The following FNDC3A variants were observed in gnomAD, a reference collection of about 807,000 sequenced individuals.
The protein encoded by FNDC3A is fibronectin type III domain containing 3A, also known as fibronectin type-III domain-containing protein 3A.
FNDC3A carries 32 observed loss-of-function variants against 148.9 expected under a neutral mutation model. The ratio of observed to expected loss-of-function variants is 0.21; its 90% CI spans 0.16 to 0.29. FNDC3A has a LOEUF of 0.29. Ranked by LOEUF, FNDC3A falls within the 10% of genes least tolerant of loss-of-function variation. FNDC3A has a pLI of 1.00. For missense variants in FNDC3A, 1,191 were observed against 1,452.8 expected, an observed-to-expected ratio of 0.82 and a Z score of 2.93; for synonymous variants, 472 against 473.6, an observed-to-expected ratio of 1.00 and a Z score of 0.04.
intron 2 of FNDC3A, among the ~76,000 whole-genome samples, chr13:49,020,075 T>G (rs1873205596): frequency 6.6e-6 from 1 of 152,194 alleles, no homozygotes; most frequent in Non-Finnish European, 1.5e-5. Flanking sequence ...ATGTAAGTGG[T>G]ATTAAAATGG....
At chr13:49,085,936 G>T (rs1041424866) in intron 3 of FNDC3A, among the ~76,000 whole-genome samples, 1 of 150,080 alleles carries the variant, frequency 6.7e-6, no homozygotes, top group African/African-American at 2.5e-5. Flanking sequence ...AGGCTGGAGT[G>T]CAATGGCCCG....
At position 49,168,679 on chromosome 13, in the gene FNDC3A, C is replaced by G. The variant is rs1046753071; in HGVS notation, c.1104C>G (p.Ser368Arg). Residue 368 changes from serine to arginine, a missense_variant, in exon 10 of 26, where the codon AGC (serine) becomes AGG (arginine). Ser to Arg is a moderately radical substitution (Grantham distance 110, BLOSUM62 -1). This residue lies in a region of FNDC3A where 426 missense variants were observed against 473.2 expected (regional missense o/e 0.90). Coordinates refer to ENST00000492622, the MANE Select transcript of FNDC3A (RefSeq NM_001079673.2). ...PSEAEIFTTL[S>R]CEPDIPNPPR... Reference sequence around the variant, plus strand: ...AGGCTGAAATCTTTACCACCTTGAGCTGTGAACCTGATATACCTAATCCAC... The same window carrying G: ...AGGCTGAAATCTTTACCACCTTGAGGTGTGAACCTGATATACCTAATCCAC... 2 of 1,612,376 alleles carry G rather than the reference C, an allele frequency of 1.2e-6. No individual in the cohort carries two copies. The highest frequency in any genetic ancestry group is 2.2e-5 in the South Asian group (2 of 91,034).
intron 1 of FNDC3A, among the ~76,000 whole-genome samples, chr13:49,003,541 A>G (rs923920312): frequency 1.3e-5 from 2 of 152,158 alleles, no homozygotes; most frequent in Non-Finnish European, 2.9e-5. Context: ...ACAATTCTTA[A>G]TTCTAGTGAA....
chr13:49,056,956 A>T (rs1056854111), intron 2 of FNDC3A, among the ~76,000 whole-genome samples: 1 of 152,192 alleles, frequency 6.6e-6, no homozygotes, highest in Non-Finnish European at 1.5e-5. Flanking sequence ...ACAGTGGACT[A>T]ATTCTTCATG....
chr13:49,018,916 G>A (rs1179788326), intron 2 of FNDC3A, among the ~76,000 whole-genome samples: 1 of 152,226 alleles, frequency 6.6e-6, no homozygotes, highest in East Asian at 1.9e-4. Flanking sequence ...GCTGCTTGGG[G>A]GGTCAGGGGT....
chr13:49,134,045 T>C (rs1882186869), intron 5 of FNDC3A, among the ~76,000 whole-genome samples: 1 of 152,210 alleles, frequency 6.6e-6, no homozygotes, highest in South Asian at 2.1e-4. Context: ...TTTAATATAT[T>C]TACTTTATTG....
intron 2 of FNDC3A, among the ~76,000 whole-genome samples, chr13:49,053,583 G>C (rs552817536): frequency 6.6e-6 from 1 of 152,148 alleles, no homozygotes; most frequent in Non-Finnish European, 1.5e-5. Context: ...AGGGGTGTTG[G>C]GGGGTGGCTT....
chr13:49,058,040 A>G (rs961966549), intron 2 of FNDC3A, among the ~76,000 whole-genome samples: 5 of 152,276 alleles, frequency 3.3e-5, no homozygotes, highest in Non-Finnish European at 7.4e-5. Context: ...ATGAGGTAAT[A>G]TGGGTGGGCC....
intron 2 of FNDC3A, among the ~76,000 whole-genome samples, chr13:49,015,525 T>C (rs955110597): frequency 6.6e-6 from 1 of 152,246 alleles, no homozygotes; most frequent in African/African-American, 2.4e-5. Context: ...TTTCTCGATA[T>C]ACAATCATGT....
intron 3 of FNDC3A, among the ~76,000 whole-genome samples, chr13:49,111,523 C>A (rs991287172): frequency 6.6e-6 from 1 of 151,960 alleles, no homozygotes; most frequent in African/African-American, 2.4e-5. Context: ...GTTAGGAGTT[C>A]AAGACCAGCC....
At chr13:49,132,540 A>G (rs969988184) in intron 5 of FNDC3A, among the ~76,000 whole-genome samples, 7 of 152,172 alleles carry the variant, frequency 4.6e-5, no homozygotes, top group African/African-American at 1.7e-4. Context: ...CTCTGACACA[A>G]CATTTTAAAT....
At chr13:49,185,666 C>T (rs1447548750) in intron 14 of FNDC3A, among the ~76,000 whole-genome samples, 1 of 152,080 alleles carries the variant, frequency 6.6e-6, no homozygotes, top group Non-Finnish European at 1.5e-5. Context: ...AGCCTAAAGC[C>T]CATGAAGAAT....
chr13:49,160,596 G>T (rs1460663194), intron 8 of FNDC3A, among the ~76,000 whole-genome samples: 2 of 151,422 alleles, frequency 1.3e-5, no homozygotes, highest in Non-Finnish European at 2.9e-5. Flanking sequence ...TTTTTTGAAG[G>T]GTTTTTTTGT....
intron 2 of FNDC3A, among the ~76,000 whole-genome samples, chr13:49,029,736 C>T (rs1458216058): frequency 6.6e-6 from 1 of 152,012 alleles, no homozygotes; most frequent in Admixed American, 6.6e-5. Context: ...ACAAAAAAGA[C>T]TCAAATGACT....
At chr13:49,035,621 A>G (rs1289924744) in intron 2 of FNDC3A, among the ~76,000 whole-genome samples, 1 of 152,058 alleles carries the variant, frequency 6.6e-6, no homozygotes, top group Admixed American at 6.5e-5. Context: ...AAACAGGAAA[A>G]AAAATTTTCT....
At chr13:49,168,953 G>T (rs992348502) in intron 10 of FNDC3A, among the ~76,000 whole-genome samples, 1 of 152,114 alleles carries the variant, frequency 6.6e-6, no homozygotes, top group Admixed American at 6.5e-5. Flanking sequence ...TAGCAAAAAC[G>T]ATTTGTAATT....
Position 49,175,456 on chromosome 13 carries a change from G to C in FNDC3A, c.1445G>C (p.Trp482Ser), listed in dbSNP as rs781407338. The C allele has an allele frequency of 1.4e-5, 22 of 1,613,106 alleles. No individual in the cohort carries two copies. Among genetic ancestry groups the C allele is most frequent in the Non-Finnish European group, 1.9e-5 (22 of 1,179,354 alleles). The part of the protein sequence containing the change: ...SPVLTKAGIT[W>S]LSLQWSKPSG... Reference sequence around the variant, plus strand: ...GTATTAACCAAGGCTGGAATTACTTGGTTATCCTTACAATGGAGTAAGCCC... The same window carrying C: ...GTATTAACCAAGGCTGGAATTACTTCGTTATCCTTACAATGGAGTAAGCCC... The change falls in exon 13 of 26, where the codon TGG becomes TCG. Residue 482 changes from tryptophan to serine, a missense_variant. Trp to Ser is a radical substitution (Grantham distance 177). Around this residue, in one of 3 missense-constraint regions of FNDC3A, gnomAD observed 751 missense variants for 944.0 expected, o/e 0.80. Coordinates refer to ENST00000492622, the MANE Select transcript of FNDC3A (RefSeq NM_001079673.2).
chr13:49,090,454 T>C (rs1879112174), intron 3 of FNDC3A, among the ~76,000 whole-genome samples: 1 of 152,078 alleles, frequency 6.6e-6, no homozygotes, highest in Non-Finnish European at 1.5e-5. Context: ...ATCCAGGAGA[T>C]TGCACAGATC....
At chr13:48,978,144 A>G (rs966953704) in intron 1 of FNDC3A, among the ~76,000 whole-genome samples, 4 of 152,112 alleles carry the variant, frequency 2.6e-5, no homozygotes, top group African/African-American at 9.7e-5. Flanking sequence ...TGTGTGAGTA[A>G]TTGAGACCTG....
Sources: allele counts gnomAD v4.1 joint callset (sites outside exome capture counted in the v4.1 genomes callset), GRCh38; gene constraint gnomAD v4.1.1; regional missense constraint gnomAD v4.1.1; transcripts MANE v1.5; gene names NCBI Gene and HGNC (gene_info 2026-07-23, HGNC 2026-07-21).